The following KCNQ2 variants were observed in gnomAD, a reference collection of about 807,000 sequenced individuals.
KCNQ2 encodes the protein potassium voltage-gated channel subfamily KQT member 2.
In KCNQ2, 14 loss-of-function variants were observed where a neutral mutation model predicts 84.8. That is an observed-to-expected ratio of 0.17 (90% CI 0.11 to 0.26). The LOEUF is 0.26. KCNQ2 is among the 10% of genes least tolerant of loss of function. The pLI is 1.00. For synonymous variants in KCNQ2, 599 were observed against 554.1 expected, an observed-to-expected ratio of 1.08 and a Z score of -1.14; for missense variants, 788 against 1,254.0, an observed-to-expected ratio of 0.63 and a Z score of 5.61.
At chr20:63,458,024 C>A (rs2081849318) in intron 1 of KCNQ2, among the ~76,000 whole-genome samples, 1 of 152,166 alleles carries the variant, frequency 6.6e-6, no homozygotes, top group African/African-American at 2.4e-5. Context: ...AGAGACCCAG[C>A]CGGTGCACCA....
At position 63,406,594 on chromosome 20, in the gene KCNQ2, G is replaced by A. The variant is rs1276881416; in HGVS notation, c.*50C>T. 6.5e-7 allele frequency: 1 copy of A among 1,532,928 alleles called. No individual in the cohort carries two copies. Among genetic ancestry groups the A allele is most frequent in the African/African-American group, 1.4e-5 (1 of 73,194 alleles). The allele number at this position is 1,532,928 out of a possible 1,614,324, so 95.0% of individuals were successfully genotyped here. ...AGGGTTCCCGCCTCAAAACCTCGGAGGCACCGTGCTGAGGAGGGCCGCGGG... is the reference window on the plus strand; with the variant it reads ...AGGGTTCCCGCCTCAAAACCTCGGAAGCACCGTGCTGAGGAGGGCCGCGGG... On this transcript the variant is annotated 3_prime_UTR_variant, in exon 17 of 17. Transcript: ENST00000359125.
intron 6 of KCNQ2, 147 bp downstream of exon 6, chr20:63,439,451 C>A (rs1490636862): frequency 1.2e-4 from 81 of 691,550 alleles, no homozygotes; most frequent in East Asian, 7.3e-4. Context: ...TGAGCTGCCA[C>A]CTCCAGCTCC....
chr20:63,434,228 T>G (rs2145682875), intron 7 of KCNQ2: 1 of 378,828 alleles, frequency 2.6e-6, no homozygotes. Flanking sequence ...CCCTGGCGGG[T>G]ATCACCTGTC....
Position 63,433,878 on chromosome 20 carries a change from T to A in KCNQ2, c.1049A>T (p.Asn350Ile), listed in dbSNP as rs772800738. ...IQSAWRFYAT[N>I]LSRTDLHSTW... The stretch of plus-strand genomic sequence containing the variant: ...GGAGTGCAGGTCTGTGCGCGAGAGG[T>A]TGGTGGCGTAGAATCTCCAGGCCGA... The change falls in exon 8 of 17, where the codon AAC (asparagine) becomes ATC (isoleucine). Residue 350 changes from asparagine to isoleucine, a missense_variant. Asn to Ile is a moderately radical substitution (Grantham distance 149). This residue lies in a region of KCNQ2 where 16 missense variants were observed against 38.7 expected (regional missense o/e 0.41). Coordinates refer to ENST00000359125, the MANE Select transcript of KCNQ2 (RefSeq NM_172107.4). 1 of 1,613,546 alleles carries A rather than the reference T, an allele frequency of 6.2e-7. No homozygotes were observed. Among genetic ancestry groups the A allele is most frequent in the Non-Finnish European group, 8.5e-7 (1 of 1,179,846 alleles).
rs1242381077 is a variant in KCNQ2, at chr20:63,407,724, C to G, written c.1888-349G>C. Among the ~76,000 whole-genome samples the G allele has an allele frequency of 6.7e-6, 1 of 149,912 alleles. No individual in the cohort carries two copies. The highest frequency in any genetic ancestry group is 1.5e-5 in the Non-Finnish European group (1 of 67,332). On this transcript the variant is annotated intron_variant, in intron 16 of 16. Coordinates refer to ENST00000359125, the MANE Select transcript of KCNQ2 (RefSeq NM_172107.4). This position sits in a 1 kb window ranked among gnomAD's most constrained non-coding sequence, Gnocchi z 7.2. ...AGGAAGTCGGTCGACTTGGGCTGGT[C>G]CCAGGAGGTGGGGGGACCTGGGTTG...
Position 63,438,796 on chromosome 20 carries a change from G to A in KCNQ2, c.928-76C>T. On this transcript the variant is annotated intron_variant, in intron 6 of 16. Transcript: ENST00000359125. The surrounding 1 kb of genome is among the most constrained non-coding windows in gnomAD (Gnocchi z 5.1). ...TTCATCAGGGTCAGACCATGCTCTGGGGCCCCACACCCCCCCCAATTCATC... is the reference window on the plus strand; with the variant it reads ...TTCATCAGGGTCAGACCATGCTCTGAGGCCCCACACCCCCCCCAATTCATC... The A allele has an allele frequency of 1.5e-6, 2 of 1,325,802 alleles. No homozygotes were observed. Among genetic ancestry groups the A allele is most frequent in the Non-Finnish European group, 2.1e-6 (2 of 937,058 alleles). The allele number at this position is 1,325,802 out of a possible 1,614,324, so 82.1% of individuals were successfully genotyped here.
At chr20:63,457,460 C>T (rs2081832860) in intron 1 of KCNQ2, among the ~76,000 whole-genome samples, 1 of 152,246 alleles carries the variant, frequency 6.6e-6, no homozygotes, top group South Asian at 2.1e-4. Context: ...CTGATGCTCA[C>T]GGCCTCCAAA....
chr20:63,442,294 G>A (rs2081183464), intron 5 of KCNQ2, 112 bp downstream of exon 5: 4 of 1,305,254 alleles, frequency 3.1e-6, no homozygotes, highest in East Asian at 4.4e-5. Flanking sequence ...GCAGCCAGCA[G>A]GTGGCCCCAA....
chr20:63,467,059 A>C (rs2082100457), intron 1 of KCNQ2, among the ~76,000 whole-genome samples: 1 of 151,854 alleles, frequency 6.6e-6, no homozygotes, highest in South Asian at 2.1e-4. Context: ...CTTGCCCCCC[A>C]TCCTCCCAAA....
At chr20:63,468,862 C>T (rs1200692808) in intron 1 of KCNQ2, among the ~76,000 whole-genome samples, 1 of 152,072 alleles carries the variant, frequency 6.6e-6, no homozygotes, top group Non-Finnish European at 1.5e-5. Context: ...TCATCTCAGG[C>T]TGGGACCCCC....
intron 7 of KCNQ2, among the ~76,000 whole-genome samples, chr20:63,436,911 G>A (rs2081026900): frequency 6.6e-6 from 1 of 151,794 alleles, no homozygotes; most frequent in South Asian, 2.1e-4. Context: ...TGAGTAGCTG[G>A]GATTACAGGC....
intron 9 of KCNQ2, 110 bp downstream of exon 9, chr20:63,431,230 C>A: frequency 8.0e-7 from 1 of 1,252,746 alleles, no homozygotes; most frequent in South Asian, 1.2e-5. Flanking sequence ...ACAGTGGTCA[C>A]TCTGCAGACC....
At position 63,446,632 on chromosome 20, in the gene KCNQ2, G is replaced by A. The variant is rs940666712; in HGVS notation, c.387+115C>T. ...CTGACAGGGCACAAAGACATGGCCA[G>A]AGCTGGGGCTGGGGGCGTCAGAGGC... On this transcript the variant is annotated intron_variant, in intron 2 of 16. Transcript: ENST00000359125. The surrounding 1 kb of genome is among the most constrained non-coding windows in gnomAD (Gnocchi z 5.5). 6.0e-5 allele frequency: 52 copies of A among 866,708 alleles called. No homozygotes were observed. Among genetic ancestry groups the A allele is most frequent in the Non-Finnish European group, 9.2e-5 (48 of 519,062 alleles). The allele number at this position is 866,708 out of a possible 1,614,324, so 53.7% of individuals were successfully genotyped here.
chr20:63,464,538 G>T (rs2082035758), intron 1 of KCNQ2, among the ~76,000 whole-genome samples: 1 of 151,932 alleles, frequency 6.6e-6, no homozygotes, highest in South Asian at 2.1e-4. Flanking sequence ...AGGGCTATGA[G>T]CCCCTTTCAA....
At position 63,472,472 on chromosome 20, in the gene KCNQ2, G is replaced by C. The variant is rs1410159444; in HGVS notation, c.-9C>G. 1 of 1,493,996 alleles carries C rather than the reference G, an allele frequency of 6.7e-7. No individual in the cohort carries two copies. Among genetic ancestry groups the C allele is most frequent in the Non-Finnish European group, 8.9e-7 (1 of 1,128,204 alleles). The allele number at this position is 1,493,996 out of a possible 1,614,324, so 92.5% of individuals were successfully genotyped here. On this transcript the variant is annotated 5_prime_UTR_variant, in exon 1 of 17. Coordinates refer to ENST00000359125, the MANE Select transcript of KCNQ2 (RefSeq NM_172107.4). Reference sequence around the variant, plus strand: ...CGCGACTTCTGCACCATGGTGCCTGGCGGGAGGCGCCCCGGGTCGGGCTCA... The same window carrying C: ...CGCGACTTCTGCACCATGGTGCCTGCCGGGAGGCGCCCCGGGTCGGGCTCA...
intron 11 of KCNQ2, 144 bp downstream of exon 11, chr20:63,424,033 G>A (rs2080553746): frequency 4.7e-6 from 4 of 853,386 alleles, no homozygotes; most frequent in East Asian, 5.3e-5. Context: ...GCCAGGCGGG[G>A]GTCTGGACCC....
At chr20:63,470,428 C>T (rs1269569211) in intron 1 of KCNQ2, among the ~76,000 whole-genome samples, 5 of 152,342 alleles carry the variant, frequency 3.3e-5, no homozygotes, top group Middle Eastern at 3.4e-3. Context: ...CCCACATGTG[C>T]AAGTGTCCCC....
rs543145850 is a variant in KCNQ2 at position 63,457,814 on chromosome 20, G to C, written c.297-10977C>G. Among the ~76,000 whole-genome samples, 4 of 152,346 alleles carry C rather than the reference G, an allele frequency of 2.6e-5. No individual in the cohort carries two copies. In the East Asian group the frequency reaches 7.7e-4, roughly 29 times the overall value. ...AGGGGGCATCCGCCATGCACCCCAGGGGCTCTGGGAGCTGCAGCTGTGGGC... is the reference window on the plus strand; with the variant it reads ...AGGGGGCATCCGCCATGCACCCCAGCGGCTCTGGGAGCTGCAGCTGTGGGC... On this transcript the variant is annotated intron_variant, in intron 1 of 16. Coordinates refer to ENST00000359125, the MANE Select transcript of KCNQ2 (RefSeq NM_172107.4).
At position 63,407,799 on chromosome 20, in the gene KCNQ2, A is replaced by G. The variant is rs2079995877; in HGVS notation, c.1888-424T>C. Among the ~76,000 whole-genome samples, 1 of 152,060 alleles carries G rather than the reference A, an allele frequency of 6.6e-6. No homozygotes were observed. The highest frequency in any genetic ancestry group is 1.5e-5 in the Non-Finnish European group (1 of 67,974). ...GGGATCCCTGCTCCCTGGAAGCTGG[A>G]GGAGCGGGAAGAGGAGGCCCAGGAG... On this transcript the variant is annotated intron_variant, in intron 16 of 16. Coordinates refer to ENST00000359125, the MANE Select transcript of KCNQ2 (RefSeq NM_172107.4). The surrounding 1 kb of genome is among the most constrained non-coding windows in gnomAD (Gnocchi z 7.2).
Sources: allele counts gnomAD v4.1 joint callset (sites outside exome capture counted in the v4.1 genomes callset), GRCh38; gene constraint gnomAD v4.1.1; regional missense constraint gnomAD v4.1.1; non-coding constraint Gnocchi (gnomAD v3.1); transcripts MANE v1.5; gene names NCBI Gene and HGNC (gene_info 2026-07-23, HGNC 2026-07-21).